Variants in LRRC7 observed in about 807,000 individuals in gnomAD.
LRRC7 encodes leucine-rich repeat-containing protein 7.
Under a neutral mutation model 175.7 loss-of-function variants are expected in LRRC7, and 23 were observed. The observed-to-expected ratio is 0.13, with a 90% CI of 0.09 to 0.19. The LOEUF is 0.19. Among genes scored for constraint, LRRC7 ranks in the 10% least tolerant of loss-of-function variants. The pLI, the probability that LRRC7 is intolerant of heterozygous loss-of-function variation, is 1.00. For missense variants in LRRC7, 1,354 were observed against 1,904.7 expected (o/e 0.71, Z 5.38); for synonymous variants, 685 against 680.9 (o/e 1.01, Z -0.09).
chr1:70,052,088 G>T (rs1329415024), intron 22 of LRRC7, among the ~76,000 whole-genome samples: 1 of 151,986 alleles, frequency 6.6e-6, no homozygotes, highest in East Asian at 1.9e-4. Flanking sequence ...GGAAACACTG[G>T]AGTATAATAG....
At chr1:69,935,014 A>G (rs1239750974) in intron 8 of LRRC7, among the ~76,000 whole-genome samples, 4 of 152,202 alleles carry the variant, frequency 2.6e-5, no homozygotes, top group African/African-American at 7.2e-5. Context: ...CCAGAAAGAA[A>G]GAAGAGCCCA....
intron 1 of LRRC7, among the ~76,000 whole-genome samples, chr1:69,623,516 T>A (rs1395394909): frequency 6.6e-6 from 1 of 151,462 alleles, no homozygotes; most frequent in African/African-American, 2.4e-5. Flanking sequence ...TAGTTGATTT[T>A]GCTTACCTTA....
rs1666675328 is a variant in LRRC7 at position 70,131,787 on chromosome 1, G to A, written c.*9900G>A. Reference sequence around the variant, plus strand: ...AGCCCAGTGTCTATACATTTACATGGGTAAAAGAATGCCAATGTCTCTTTG... The same window carrying A: ...AGCCCAGTGTCTATACATTTACATGAGTAAAAGAATGCCAATGTCTCTTTG... On this transcript the variant is annotated 3_prime_UTR_variant, in exon 27 of 27. Transcript: ENST00000651989. Among the ~76,000 whole-genome samples, 1 of 151,748 alleles carries A rather than the reference G, an allele frequency of 6.6e-6. No homozygotes were observed. The highest frequency in any genetic ancestry group is 2.4e-5 in the African/African-American group (1 of 41,288).
rs532333797 is a variant in LRRC7 at position 69,687,991 on chromosome 1, T to C, written c.100+9513T>C. On this transcript the variant is annotated intron_variant, in intron 2 of 26. Coordinates refer to ENST00000651989, the MANE Select transcript of LRRC7 (RefSeq NM_001370785.2). Reference sequence around the variant, plus strand: ...AATTCTGTCTGTTTGCTTCCCTCCATATCAAGTTGTCAGCTGTTACTTTTG... The same window carrying C: ...AATTCTGTCTGTTTGCTTCCCTCCACATCAAGTTGTCAGCTGTTACTTTTG... Among the ~76,000 whole-genome samples, 3 of 152,364 alleles carry C rather than the reference T, an allele frequency of 2.0e-5. No homozygotes were observed. The South Asian group carries it at 6.2e-4, about 32-fold the overall frequency.
At chr1:69,810,578 T>C (rs527343975) in intron 4 of LRRC7, among the ~76,000 whole-genome samples, 46 of 152,114 alleles carry the variant, frequency 3.0e-4, no homozygotes, top group Non-Finnish European at 5.9e-4. Context: ...AACAGATATA[T>C]AGACCAATAG....
At chr1:69,981,660 A>G (rs1185064380) in intron 9 of LRRC7, among the ~76,000 whole-genome samples, 1 of 152,220 alleles carries the variant, frequency 6.6e-6, no homozygotes, top group Non-Finnish European at 1.5e-5. Flanking sequence ...CTCATAGAAG[A>G]GCCTGATTTG....
intron 7 of LRRC7, among the ~76,000 whole-genome samples, chr1:69,882,742 C>A (rs958976379): frequency 2.2e-4 from 33 of 149,950 alleles, no homozygotes; most frequent in Non-Finnish European, 4.0e-4. Context: ...TTAGGTATAT[C>A]TCCCAATGCT....
intron 23 of LRRC7, among the ~76,000 whole-genome samples, chr1:70,055,306 G>A (rs1379480217): frequency 6.6e-6 from 1 of 152,034 alleles, no homozygotes; most frequent in Admixed American, 6.6e-5. Flanking sequence ...AATGAGAAGG[G>A]GAATATAAAG....
chr1:69,917,652 C>T (rs966485665), intron 7 of LRRC7, among the ~76,000 whole-genome samples: 1 of 152,062 alleles, frequency 6.6e-6, no homozygotes, highest in Non-Finnish European at 1.5e-5. Flanking sequence ...GATAGTCCCC[C>T]ACAACAAACA....
chr1:69,752,765 C>A (rs1669976681), intron 2 of LRRC7, among the ~76,000 whole-genome samples: 1 of 152,030 alleles, frequency 6.6e-6, no homozygotes, highest in African/African-American at 2.4e-5. Flanking sequence ...AAATTGAAAA[C>A]AATATCATTC....
At chr1:69,649,643 C>T (rs1655495684) in intron 1 of LRRC7, among the ~76,000 whole-genome samples, 1 of 152,038 alleles carries the variant, frequency 6.6e-6, no homozygotes, top group Admixed American at 6.6e-5. Context: ...GACCACTAGC[C>T]CATATGGCAC....
chr1:70,012,568 A>T (rs560020046), intron 12 of LRRC7, among the ~76,000 whole-genome samples: 1 of 151,928 alleles, frequency 6.6e-6, no homozygotes, highest in African/African-American at 2.4e-5. Flanking sequence ...AAACACTTTA[A>T]TGTGAAGCAA....
chr1:69,930,629 G>T (rs930349754), intron 7 of LRRC7, among the ~76,000 whole-genome samples: 2 of 152,172 alleles, frequency 1.3e-5, no homozygotes, highest in African/African-American at 4.8e-5. Flanking sequence ...CAAGGTTTGT[G>T]TATTAGTCTG....
chr1:69,988,778 A>G (rs1340532963), intron 10 of LRRC7, among the ~76,000 whole-genome samples: 1 of 152,188 alleles, frequency 6.6e-6, no homozygotes, highest in African/African-American at 2.4e-5. Context: ...TAAGACCACC[A>G]ACATTGCTAA....
At chr1:69,920,124 A>G in intron 7 of LRRC7, 1 of 218,922 alleles carries the variant, frequency 4.6e-6, no homozygotes, top group South Asian at 8.3e-5. Flanking sequence ...GGAGTGTTCC[A>G]AAGAGAAGAT....
chr1:69,777,359 G>C (rs1159561979), intron 3 of LRRC7, among the ~76,000 whole-genome samples: 1 of 152,190 alleles, frequency 6.6e-6, no homozygotes, highest in African/African-American at 2.4e-5. Flanking sequence ...ATTCGACCAG[G>C]CAATAAAGTG....
chr1:69,666,441 G>C (rs1057385028), intron 1 of LRRC7, among the ~76,000 whole-genome samples: 1 of 152,014 alleles, frequency 6.6e-6, no homozygotes, highest in Non-Finnish European at 1.5e-5. Context: ...ATACCATTCG[G>C]TCCTAGGCTT....
Position 69,655,442 on chromosome 1 carries a change from T to C in LRRC7, c.3-22939T>C, listed in dbSNP as rs181791957. On this transcript the variant is annotated intron_variant, in intron 1 of 26. Coordinates refer to ENST00000651989, the MANE Select transcript of LRRC7 (RefSeq NM_001370785.2). ...TTCGCCACCAATACCGTCATATCCA[T>C]ATTACAAGCAGAAAGATGGGAAAGG... 7.0e-4 allele frequency among the ~76,000 whole-genome samples: 106 copies of C among 152,088 alleles called. 1 individual carries two copies. The highest frequency in any genetic ancestry group is 3.4e-3 in the Middle Eastern group (1 of 294).
At chr1:69,738,358 G>A (rs144965448) in intron 2 of LRRC7, among the ~76,000 whole-genome samples, 365 of 152,032 alleles carry the variant, frequency 2.4e-3, no homozygotes, top group African/African-American at 8.0e-3. Context: ...GTTTACCTGC[G>A]CCAGAGCTAG....
Sources: allele counts gnomAD v4.1 joint callset (sites outside exome capture counted in the v4.1 genomes callset), GRCh38; gene constraint gnomAD v4.1.1; transcripts MANE v1.5; gene names NCBI Gene and HGNC (gene_info 2026-07-23, HGNC 2026-07-21).